The following KIF26B variants were observed in gnomAD, a reference collection of about 807,000 sequenced individuals.
KIF26B encodes kinesin-like protein KIF26B.
KIF26B carries 63 observed loss-of-function variants against 151.2 expected under a neutral mutation model. That is an observed-to-expected ratio of 0.42 (90% CI 0.34 to 0.51). The LOEUF (loss-of-function observed/expected upper bound fraction) is 0.51. Ranked by LOEUF, KIF26B falls within the 20% of genes least tolerant of loss-of-function variation. The pLI is 0.07. For missense variants in KIF26B, 2,813 were observed against 2,913.6 expected, an observed-to-expected ratio of 0.97 and a Z score of 0.79; for synonymous variants, 1,357 against 1,262.1, an observed-to-expected ratio of 1.08 and a Z score of -1.59.
chr1:245,365,728 C>T (rs972816273), intron 2 of KIF26B, among the ~76,000 whole-genome samples: 3 of 152,178 alleles, frequency 2.0e-5, no homozygotes, highest in African/African-American at 4.8e-5. Context: ...CCCACACTCT[C>T]CTATCCCAGT....
intron 5 of KIF26B, among the ~76,000 whole-genome samples, chr1:245,586,974 T>C (rs1056743491): frequency 6.6e-6 from 1 of 151,906 alleles, no homozygotes; most frequent in African/African-American, 2.4e-5. Context: ...TTCTCATGCA[T>C]TATCTCATTT....
chr1:245,177,166 GCTGGCCTCAGATGC>G (rs977700540), intron 2 of KIF26B, among the ~76,000 whole-genome samples: 2 of 152,132 alleles, frequency 1.3e-5, no homozygotes, highest in Admixed American at 6.6e-5. Context: ...TGTTGCCCAG[GCTGGCCTCAGATGC>G]CTGGCCTCAC....
At position 245,264,721 on chromosome 1, in the gene KIF26B, C is replaced by T. The variant is rs547979606; in HGVS notation, c.466-102113C>T. On this transcript the variant is annotated intron_variant, in intron 2 of 14. Coordinates refer to ENST00000407071, the MANE Select transcript of KIF26B (RefSeq NM_018012.4). ...CGTCCTGGCTAACAAGGTGAAACCC[C>T]GTTTCTACTAAAAATACAAAAAATA... Among the ~76,000 whole-genome samples, 17 of 150,522 alleles carry T rather than the reference C, an allele frequency of 1.1e-4. No individual in the cohort carries two copies. In the South Asian group the frequency reaches 2.3e-3, roughly 21 times the overall value.
At chr1:245,422,347 A>C (rs1017441674) in intron 4 of KIF26B, among the ~76,000 whole-genome samples, 6 of 152,004 alleles carry the variant, frequency 3.9e-5, no homozygotes, top group Non-Finnish European at 8.8e-5. Flanking sequence ...GATGAGAACT[A>C]TTATTAGCTG....
intron 4 of KIF26B, among the ~76,000 whole-genome samples, chr1:245,536,427 G>A (rs1367227190): frequency 6.6e-6 from 1 of 152,188 alleles, no homozygotes; most frequent in East Asian, 1.9e-4. Flanking sequence ...CATTCTAGAG[G>A]GGAAACAGAC....
chr1:245,579,935 G>A (rs1055947330), intron 5 of KIF26B, among the ~76,000 whole-genome samples: 1 of 152,198 alleles, frequency 6.6e-6, no homozygotes, highest in African/African-American at 2.4e-5. Context: ...AGTGGTGGCG[G>A]GCTGGCCCTC....
intron 2 of KIF26B, among the ~76,000 whole-genome samples, chr1:245,157,782 C>G (rs1668470642): frequency 6.6e-6 from 1 of 152,202 alleles, no homozygotes; most frequent in African/African-American, 2.4e-5. Flanking sequence ...CGTGACATCC[C>G]AAGGATACAT....
In KIF26B at chr1:245,564,037, TG is replaced by T. The variant is rs2042981862; in HGVS notation, c.1350+23088del. On this transcript the variant is annotated intron_variant, in intron 5 of 14. Coordinates refer to ENST00000407071, the MANE Select transcript of KIF26B (RefSeq NM_018012.4). This position sits in a 1 kb window ranked among gnomAD's most constrained non-coding sequence, Gnocchi z 4.6. ...TTTCATTTCGCAGCTAGATTGCTCG[TG>T]AACAGCTAAGCAGGTCACGCTGAGC... 1.3e-5 allele frequency among the ~76,000 whole-genome samples: 2 copies of T among 152,152 alleles called. No homozygotes were observed. Among genetic ancestry groups the T allele is most frequent in the African/African-American group, 4.8e-5 (2 of 41,432 alleles).
At chr1:245,374,136 T>TATATATAC (rs1297569545) in intron 3 of KIF26B, among the ~76,000 whole-genome samples, 10 of 84,090 alleles carry the variant, frequency 1.2e-4, no homozygotes, top group African/African-American at 4.3e-4. Flanking sequence ...TATATATATA[T>TATATATAC]ATGGGCACAA....
At chr1:245,328,597 C>T (rs944610480) in intron 2 of KIF26B, among the ~76,000 whole-genome samples, 9 of 152,196 alleles carry the variant, frequency 5.9e-5, no homozygotes, top group Non-Finnish European at 1.2e-4. Context: ...TGACCACCAA[C>T]TGACACTAGG....
intron 4 of KIF26B, among the ~76,000 whole-genome samples, chr1:245,487,456 T>C (rs1026568074): frequency 2.6e-4 from 40 of 152,174 alleles, no homozygotes; most frequent in African/African-American, 9.4e-4. Flanking sequence ...TGCAAGACCT[T>C]CTGCAGGTGG....
chr1:245,497,755 T>G (rs1404767903), intron 4 of KIF26B, among the ~76,000 whole-genome samples: 1 of 152,230 alleles, frequency 6.6e-6, no homozygotes, highest in Non-Finnish European at 1.5e-5. Context: ...ATTTATTTAT[T>G]TATTTTAAGA....
intron 2 of KIF26B, among the ~76,000 whole-genome samples, chr1:245,349,952 C>T (rs1338376945): frequency 2.0e-5 from 3 of 152,140 alleles, no homozygotes; most frequent in Non-Finnish European, 2.9e-5. Flanking sequence ...GATCATACTC[C>T]CAAAGGCTTT....
intron 9 of KIF26B, among the ~76,000 whole-genome samples, chr1:245,622,207 A>G (rs1036408421): frequency 8.5e-5 from 13 of 152,220 alleles, no homozygotes; most frequent in Admixed American, 2.6e-4. Context: ...GACACATTAT[A>G]TCTTCCCCTT....
chr1:245,365,624 A>G lies in KIF26B; in HGVS notation c.466-1210A>G, dbSNP rs61744030. 6.0e-3 allele frequency among the ~76,000 whole-genome samples: 915 copies of G among 152,212 alleles called. 13 individuals are homozygous for G. The highest frequency in any genetic ancestry group is 0.02 in the African/African-American group (822 of 41,498). ...GGGCAGATTTTCTCCCTAATGTCCT[A>G]GAGGTAAATAAGCCTTGAGATGAGC... is the stretch of plus-strand genomic sequence containing the variant. On this transcript the variant is annotated intron_variant, in intron 2 of 14. Coordinates refer to ENST00000407071, the MANE Select transcript of KIF26B (RefSeq NM_018012.4).
At chr1:245,387,768 G>C (rs1199979545) in intron 3 of KIF26B, among the ~76,000 whole-genome samples, 1 of 152,150 alleles carries the variant, frequency 6.6e-6, no homozygotes, top group Non-Finnish European at 1.5e-5. Context: ...GCAGCAGACA[G>C]GGCTGCTTTG....
At chr1:245,592,249 G>A (rs1015437655) in intron 5 of KIF26B, among the ~76,000 whole-genome samples, 5 of 152,172 alleles carry the variant, frequency 3.3e-5, no homozygotes, top group African/African-American at 7.2e-5. Flanking sequence ...GCGGCACCTC[G>A]GAGAAGCCAG....
At chr1:245,623,342 C>T (rs969250079) in intron 9 of KIF26B, among the ~76,000 whole-genome samples, 1 of 152,070 alleles carries the variant, frequency 6.6e-6, no homozygotes, top group Non-Finnish European at 1.5e-5. Context: ...ATCTTGCAGA[C>T]GGTACTCTCG....
intron 4 of KIF26B, among the ~76,000 whole-genome samples, chr1:245,484,914 C>T (rs900189101): frequency 3.9e-5 from 6 of 151,996 alleles, no homozygotes; most frequent in Non-Finnish European, 7.4e-5. Flanking sequence ...GACAAGCAGG[C>T]ATCTTGGTAT....
Sources: allele counts gnomAD v4.1 joint callset (sites outside exome capture counted in the v4.1 genomes callset), GRCh38; gene constraint gnomAD v4.1.1; non-coding constraint Gnocchi (gnomAD v3.1); transcripts MANE v1.5; gene names NCBI Gene and HGNC (gene_info 2026-07-23, HGNC 2026-07-21).